Variants in PREX2 observed in about 807,000 individuals in gnomAD.
PREX2 encodes the protein phosphatidylinositol-3,4,5-trisphosphate dependent Rac exchange factor 2, also known as phosphatidylinositol 3,4,5-trisphosphate-dependent Rac exchanger 2 protein.
PREX2 carries 107 observed loss-of-function variants against 203.2 expected under a neutral mutation model. The ratio of observed to expected loss-of-function variants is 0.53; its 90% CI spans 0.45 to 0.62. The LOEUF (loss-of-function observed/expected upper bound fraction) is 0.62, where lower values mean the gene tolerates loss of function less well. Among genes scored for constraint, PREX2 ranks in the 20% least tolerant of loss-of-function variants. The pLI, the probability that PREX2 is intolerant of heterozygous loss-of-function variation, is 0.00. For missense variants in PREX2, 1,777 were observed against 1,955.9 expected, an observed-to-expected ratio of 0.91 and a Z score of 1.72; for synonymous variants, 672 against 663.6, an observed-to-expected ratio of 1.01 and a Z score of -0.19.
rs556722888 is a variant in PREX2, at chr8:68,204,640, C to T, written c.4604+12115C>T. Among the ~76,000 whole-genome samples the T allele has an allele frequency of 2.4e-3, 354 of 146,494 alleles. 1 individual carries two copies. Among genetic ancestry groups the T allele is most frequent in the South Asian group, 8.7e-3 (40 of 4,624 alleles). On this transcript the variant is annotated intron_variant, in intron 37 of 39. Transcript: ENST00000288368. ...TTTCCACAGGGCTACTTTCTGCCTG[C>T]TTTCCCTCTGCTTTCTTTTCTTTTT...
chr8:68,133,254 C>T (rs1246813553), intron 31 of PREX2, among the ~76,000 whole-genome samples: 1 of 152,068 alleles, frequency 6.6e-6, no homozygotes, highest in Non-Finnish European at 1.5e-5. Context: ...AGAAACCACC[C>T]CCATAATCCA....
intron 1 of PREX2, among the ~76,000 whole-genome samples, chr8:68,013,554 C>A (rs752750318): frequency 1.3e-5 from 2 of 152,168 alleles, no homozygotes; most frequent in Non-Finnish European, 1.5e-5. Flanking sequence ...TTCATGCAAA[C>A]CCAAATGACA....
intron 6 of PREX2, among the ~76,000 whole-genome samples, chr8:68,035,516 C>T (rs2129610642): frequency 6.6e-6 from 1 of 152,146 alleles, no homozygotes; most frequent in South Asian, 2.1e-4. Flanking sequence ...TGATTTTTGC[C>T]TGCCATTATC....
At position 68,187,699 on chromosome 8, in the gene PREX2, T is replaced by C. The variant is rs78543649; in HGVS notation, c.4347-4023T>C. ...CATGAAGACATCTGATCGAGGTACT[T>C]CTGTGCGTTCCAGCTTTGAGATGCC... On this transcript the variant is annotated intron_variant, in intron 35 of 39. Coordinates refer to ENST00000288368, the MANE Select transcript of PREX2 (RefSeq NM_024870.4). Among the ~76,000 whole-genome samples the C allele has an allele frequency of 5.3e-5, 8 of 152,336 alleles. No homozygotes were observed. The East Asian group carries it at 1.4e-3, about 26-fold the overall frequency.
intron 6 of PREX2, among the ~76,000 whole-genome samples, chr8:68,034,313 GC>G (rs1807971291): frequency 6.6e-6 from 1 of 152,114 alleles, no homozygotes; most frequent in Non-Finnish European, 1.5e-5. Context: ...AAGTTTATTA[GC>G]TGTTTAATCA....
intron 30 of PREX2, among the ~76,000 whole-genome samples, chr8:68,121,337 A>G (rs1810769285): frequency 6.6e-6 from 1 of 152,140 alleles, no homozygotes. Context: ...ACTCTATAAA[A>G]GGAGACAATA....
intron 1 of PREX2, among the ~76,000 whole-genome samples, chr8:67,999,189 G>C (rs201702779): frequency 8.3e-6 from 1 of 119,896 alleles, no homozygotes; most frequent in Non-Finnish European, 1.8e-5. Context: ...CCAGTAGTTG[G>C]GTTTTTGAAA....
At chr8:68,007,151 G>A (rs1563496779) in intron 1 of PREX2, among the ~76,000 whole-genome samples, 1 of 152,150 alleles carries the variant, frequency 6.6e-6, no homozygotes, top group Non-Finnish European at 1.5e-5. Flanking sequence ...GAAGTATGTA[G>A]AAGTATTTAT....
chr8:68,047,482 T>TATATATATATATATACACATAC (rs1808393390), intron 8 of PREX2, among the ~76,000 whole-genome samples: 1 of 95,008 alleles, frequency 1.1e-5, no homozygotes, highest in Non-Finnish European at 1.9e-5. Context: ...TATATATATA[T>TATATATATATATATACACATAC]ATATATATAT....
chr8:68,056,550 G>A (rs1475499378), intron 10 of PREX2, among the ~76,000 whole-genome samples: 1 of 152,140 alleles, frequency 6.6e-6, no homozygotes, highest in East Asian at 1.9e-4. Context: ...AACATTAAGT[G>A]GGATTCCCTG....
chr8:68,189,592 C>T (rs1812255338), intron 35 of PREX2, among the ~76,000 whole-genome samples: 1 of 152,198 alleles, frequency 6.6e-6, no homozygotes, highest in Non-Finnish European at 1.5e-5. Flanking sequence ...TGCTCTTGAT[C>T]TAGTGCTTTT....
At chr8:68,129,726 G>T (rs533047595) in intron 31 of PREX2, among the ~76,000 whole-genome samples, 16 of 152,172 alleles carry the variant, frequency 1.1e-4, no homozygotes, top group African/African-American at 3.4e-4. Context: ...TAAAACATGT[G>T]TTAGAAGATG....
intron 37 of PREX2, among the ~76,000 whole-genome samples, chr8:68,195,746 T>G (rs1812382114): frequency 6.6e-6 from 1 of 152,222 alleles, no homozygotes; most frequent in Non-Finnish European, 1.5e-5. Flanking sequence ...TTTTTATCAT[T>G]TACTTTTAAA....
chr8:68,075,582 G>A (rs2053143), intron 14 of PREX2, among the ~76,000 whole-genome samples: 80,832 of 151,992 alleles, frequency 0.53, 21,527 homozygotes, highest in South Asian at 0.56. Flanking sequence ...ATTGGTTATT[G>A]GTAAAGTACT....
At chr8:68,025,226 C>T (rs2129610360) in intron 4 of PREX2, among the ~76,000 whole-genome samples, 1 of 151,564 alleles carries the variant, frequency 6.6e-6, no homozygotes, top group African/African-American at 2.4e-5. Flanking sequence ...CTGCGAATGT[C>T]TTTATTTTGC....
At position 68,164,585 on chromosome 8, in the gene PREX2, C is replaced by CTTTTT. The variant is rs755033458; in HGVS notation, c.4346+7159_4346+7163dup. On this transcript the variant is annotated intron_variant, in intron 35 of 39. Transcript: ENST00000288368. The stretch of plus-strand genomic sequence containing the variant: ...TTTTTTCTTTCTTTTTTTCTTTTTT[C>CTTTTT]TTTTTTTTTTTTTTGAGACAGAGTT... Among the ~76,000 whole-genome samples, 2 of 135,262 alleles carry CTTTTT rather than the reference C, an allele frequency of 1.5e-5. 1 individual carries two copies. The highest frequency in any genetic ancestry group is 3.1e-5 in the Non-Finnish European group (2 of 63,866). The allele number at this position is 135,262 out of a possible 152,430, so 88.7% of individuals were successfully genotyped here.
At chr8:67,974,165 G>A (rs1029410867) in intron 1 of PREX2, among the ~76,000 whole-genome samples, 2 of 152,114 alleles carry the variant, frequency 1.3e-5, no homozygotes, top group African/African-American at 2.4e-5. Flanking sequence ...GCTTTGATGT[G>A]TTCTGATAAA....
At chr8:67,975,904 C>T (rs1216479231) in intron 1 of PREX2, among the ~76,000 whole-genome samples, 12 of 146,106 alleles carry the variant, frequency 8.2e-5, no homozygotes, top group Admixed American at 2.1e-4. Context: ...TTGGTAGAGA[C>T]GGGGTTTCAC....
At chr8:68,187,648 T>C (rs1812215302) in intron 35 of PREX2, among the ~76,000 whole-genome samples, 1 of 152,222 alleles carries the variant, frequency 6.6e-6, no homozygotes, top group African/African-American at 2.4e-5. Context: ...ACATTGCTTT[T>C]TCTACCAAGT....
Sources: gnomAD v4.1 joint callset for allele counts (sites outside exome capture counted in the v4.1 genomes callset) on GRCh38, gnomAD v4.1.1 for gene constraint, MANE v1.5 for transcripts, NCBI Gene and HGNC (gene_info 2026-07-23, HGNC 2026-07-21) for gene names.